MAPK10: variants seen among roughly 807,000 people sequenced by gnomAD.
MAPK10 encodes JNK3 alpha protein kinase.
In MAPK10, 25 loss-of-function variants were observed where a neutral mutation model predicts 59.3. The observed-to-expected ratio is 0.42, with a 90% CI of 0.31 to 0.59. The LOEUF is 0.59. Ranked by LOEUF, MAPK10 falls within the 20% of genes least tolerant of loss-of-function variation. The pLI, the probability that MAPK10 is intolerant of heterozygous loss-of-function variation, is 0.15. For synonymous variants in MAPK10, 190 were observed against 200.5 expected (o/e 0.95, Z 0.44); for missense variants, 351 against 568.9 (o/e 0.62, Z 3.90).
chr4:86,169,002 T>G (rs1453735110), intron 3 of MAPK10, among the ~76,000 whole-genome samples: 2 of 151,900 alleles, frequency 1.3e-5, no homozygotes, highest in Non-Finnish European at 1.5e-5. Flanking sequence ...CAGCTGAGGG[T>G]CCTGTCTGTT....
intron 9 of MAPK10, among the ~76,000 whole-genome samples, chr4:86,075,781 C>T (rs979832210): frequency 6.6e-6 from 1 of 152,062 alleles, no homozygotes; most frequent in Non-Finnish European, 1.5e-5. Flanking sequence ...GCTGGGAGAA[C>T]CACTGCTCTC....
At chr4:86,351,897 G>A in intron 2 of MAPK10, among the ~76,000 whole-genome samples, 1 of 152,096 alleles carries the variant, frequency 6.6e-6, no homozygotes, top group East Asian at 1.9e-4. Context: ...AAAGATTTGA[G>A]CAGGTACTTC....
Position 86,341,730 on chromosome 4 carries a change from A to G in MAPK10, c.-7+12800T>C, listed in dbSNP as rs980760666. Among the ~76,000 whole-genome samples the G allele has an allele frequency of 4.6e-5, 7 of 152,198 alleles. No individual in the cohort carries two copies. In the South Asian group the frequency reaches 1.5e-3, roughly 32 times the overall value. ...GTTATCACAAATTAACTACTAGAAG[A>G]CAAATAATTAATTAACAAGAAATGG... On this transcript the variant is annotated intron_variant, in intron 2 of 13. Coordinates refer to ENST00000641462, the MANE Select transcript of MAPK10 (RefSeq NM_138982.4).
At chr4:86,255,014 T>C (rs2093643491) in intron 2 of MAPK10, among the ~76,000 whole-genome samples, 1 of 152,088 alleles carries the variant, frequency 6.6e-6, no homozygotes, top group Non-Finnish European at 1.5e-5. Context: ...ACTAATCTGC[T>C]GAATCAGAGT....
intron 2 of MAPK10, among the ~76,000 whole-genome samples, chr4:86,319,585 C>T (rs2095851842): frequency 6.6e-6 from 1 of 152,148 alleles, no homozygotes; most frequent in South Asian, 2.1e-4. Flanking sequence ...CTGCAGTGGA[C>T]AGTTCCAAAC....
At chr4:86,297,838 C>T (rs2095397278) in intron 2 of MAPK10, among the ~76,000 whole-genome samples, 1 of 152,168 alleles carries the variant, frequency 6.6e-6, no homozygotes, top group Non-Finnish European at 1.5e-5. Flanking sequence ...AACCTTTACA[C>T]TGGCTCCTTC....
intron 3 of MAPK10, among the ~76,000 whole-genome samples, chr4:86,177,956 C>T (rs1007330862): frequency 6.6e-6 from 1 of 151,910 alleles, no homozygotes; most frequent in African/African-American, 2.4e-5. Flanking sequence ...AAAGACATTG[C>T]TTTAACCAAA....
chr4:86,244,063 A>G (rs936658667), intron 2 of MAPK10, among the ~76,000 whole-genome samples: 2 of 152,226 alleles, frequency 1.3e-5, no homozygotes, highest in African/African-American at 4.8e-5. Flanking sequence ...ACAGGAAAGA[A>G]GCTCAAATAG....
At chr4:86,412,038 C>A (rs888480166) in intron 1 of MAPK10, among the ~76,000 whole-genome samples, 1 of 152,234 alleles carries the variant, frequency 6.6e-6, no homozygotes, top group African/African-American at 2.4e-5. Flanking sequence ...TGGCTAGTAC[C>A]GGTTGTCCCT....
rs1742573551 is a variant in MAPK10, at chr4:86,014,611, AT to A, written c.*2616del. 2 of 152,180 alleles carry A rather than the reference AT, an allele frequency of 1.3e-5. No individual in the cohort carries two copies. The highest frequency in any genetic ancestry group is 4.1e-4 in the South Asian group (2 of 4,828). 9.4% of individuals were successfully genotyped at this position (152,180 alleles called of 1,614,324 possible). ...AATTTGTTCCATTTTTCTCTTGTCC[AT>A]AAGGGAAATCTGGCTAAAGCTAACC... On this transcript the variant is annotated 3_prime_UTR_variant, in exon 14 of 14. Coordinates refer to ENST00000641462, the MANE Select transcript of MAPK10 (RefSeq NM_138982.4).
chr4:86,559,937 CAAAAA>C (rs368858392), intron 1 of MAPK10, among the ~76,000 whole-genome samples: 1 of 124,432 alleles, frequency 8.0e-6, no homozygotes. Context: ...GACTTTGTCT[CAAAAA>C]AAAAAAAAAG....
At chr4:86,188,753 T>A (rs891499073) in intron 3 of MAPK10, among the ~76,000 whole-genome samples, 1 of 152,232 alleles carries the variant, frequency 6.6e-6, no homozygotes, top group Non-Finnish European at 1.5e-5. Context: ...TTTAACTAGA[T>A]CCCATTTGTC....
intron 3 of MAPK10, among the ~76,000 whole-genome samples, chr4:86,185,570 C>G (rs1374639821): frequency 6.6e-6 from 1 of 152,054 alleles, no homozygotes; most frequent in Non-Finnish European, 1.5e-5. Context: ...AATTATTTTT[C>G]AAAGACAATT....
At chr4:86,317,503 T>G (rs574561378) in intron 2 of MAPK10, among the ~76,000 whole-genome samples, 1 of 152,336 alleles carries the variant, frequency 6.6e-6, no homozygotes, top group African/African-American at 2.4e-5. Flanking sequence ...ATATTATCTA[T>G]TGATTATGCT....
intron 1 of MAPK10, among the ~76,000 whole-genome samples, chr4:86,564,952 T>C (rs1339234994): frequency 2.6e-5 from 4 of 152,190 alleles, no homozygotes; most frequent in Admixed American, 2.6e-4. Flanking sequence ...CTTAATGATT[T>C]GGCATCTCGA....
intron 1 of MAPK10, among the ~76,000 whole-genome samples, chr4:86,390,737 T>C (rs1026903010): frequency 2.6e-5 from 4 of 152,162 alleles, no homozygotes; most frequent in Admixed American, 6.5e-5. Context: ...ACTTAGCCTA[T>C]AGGATTTCCT....
intron 3 of MAPK10, among the ~76,000 whole-genome samples, chr4:86,168,766 G>T (rs1278637458): frequency 6.6e-6 from 1 of 152,136 alleles, no homozygotes; most frequent in Non-Finnish European, 1.5e-5. Flanking sequence ...CTCCTCAAGT[G>T]GGTCCCTGAC....
chr4:86,407,578 ATCTG>A (rs1471950341), intron 1 of MAPK10, among the ~76,000 whole-genome samples: 1 of 152,178 alleles, frequency 6.6e-6, no homozygotes, highest in Non-Finnish European at 1.5e-5. Flanking sequence ...ATATCTGTTC[ATCTG>A]TCTGTCTTCC....
upstream of MAPK10, among the ~76,000 whole-genome samples, chr4:86,360,916 A>C (rs1192000290): frequency 1.3e-5 from 2 of 152,156 alleles, no homozygotes; most frequent in African/African-American, 2.4e-5. Flanking sequence ...ATGTAAGAAA[A>C]ATTTTCAATA....
Sources: gnomAD v4.1 joint callset for allele counts (sites outside exome capture counted in the v4.1 genomes callset) on GRCh38, gnomAD v4.1.1 for gene constraint, MANE v1.5 for transcripts, NCBI Gene and HGNC (gene_info 2026-07-23, HGNC 2026-07-21) for gene names.